Variants in HECW1 observed in about 807,000 individuals in gnomAD.
HECW1 encodes E3 ubiquitin-protein ligase HECW1.
HECW1 carries 61 observed loss-of-function variants against 182.3 expected under a neutral mutation model. That is an observed-to-expected ratio of 0.33 (90% confidence interval 0.27 to 0.41). HECW1 has a LOEUF of 0.41. Ranked by LOEUF, HECW1 falls within the 10% of genes least tolerant of loss-of-function variation. HECW1 has a pLI of 1.00. For synonymous variants in HECW1, 859 were observed against 832.6 expected (o/e 1.03, Z -0.55); for missense variants, 1,739 against 2,108.9 (o/e 0.82, Z 3.44).
At chr7:43,123,367 G>T (rs954057498) in intron 2 of HECW1, among the ~76,000 whole-genome samples, 1 of 152,168 alleles carries the variant, frequency 6.6e-6, no homozygotes, top group African/African-American at 2.4e-5. Flanking sequence ...GAGTGTACCT[G>T]CCGTTGACCT....
chr7:43,238,933 T>C (rs956170580), intron 2 of HECW1: 1 of 152,114 alleles, frequency 6.6e-6, no homozygotes, highest in Admixed American at 6.5e-5. Flanking sequence ...ATGAATTCAG[T>C]GACAATAACA....
chr7:43,518,055 A>G (rs1463291935), intron 24 of HECW1, among the ~76,000 whole-genome samples: 1 of 152,228 alleles, frequency 6.6e-6, no homozygotes, highest in Non-Finnish European at 1.5e-5. Flanking sequence ...GAAAAAAAGG[A>G]ATGAAATTTC....
At chr7:43,554,519 A>T in intron 28 of HECW1, 73 bp from the exon 29 acceptor site, 1 of 1,302,022 alleles carries the variant, frequency 7.7e-7, no homozygotes, top group Non-Finnish European at 1.1e-6. Flanking sequence ...GATGTGTTTG[A>T]TCTCTCTCTC....
chr7:43,233,995 C>G (rs753244691), intron 2 of HECW1, among the ~76,000 whole-genome samples: 4 of 152,236 alleles, frequency 2.6e-5, no homozygotes, highest in Non-Finnish European at 5.9e-5. Context: ...AGCTTCATCG[C>G]AGGTAGCGAG....
chr7:43,341,571 A>G, intron 5 of HECW1, among the ~76,000 whole-genome samples: 1 of 151,866 alleles, frequency 6.6e-6, no homozygotes, highest in Non-Finnish European at 1.5e-5. Context: ...GAATTTAGCT[A>G]TTAGAGAAGC....
At chr7:43,336,410 C>T (rs1282934261) in intron 5 of HECW1, among the ~76,000 whole-genome samples, 2 of 151,994 alleles carry the variant, frequency 1.3e-5, no homozygotes, top group Non-Finnish European at 2.9e-5. Context: ...CTCTAGTGGT[C>T]CTTCACCTCA....
At chr7:43,192,650 A>G (rs1794037204) in intron 2 of HECW1, among the ~76,000 whole-genome samples, 2 of 152,344 alleles carry the variant, frequency 1.3e-5, no homozygotes, top group South Asian at 4.1e-4. Context: ...AGAAAAGTAT[A>G]AAGAAAAAAA....
At chr7:43,490,368 AC>A (rs2078883445) in intron 17 of HECW1, among the ~76,000 whole-genome samples, 1 of 152,164 alleles carries the variant, frequency 6.6e-6, no homozygotes, top group Admixed American at 6.5e-5. Flanking sequence ...AGTGAGGACC[AC>A]CCCATTCTCA....
At chr7:43,125,102 C>T (rs867817838) in intron 2 of HECW1, among the ~76,000 whole-genome samples, 3 of 152,152 alleles carry the variant, frequency 2.0e-5, no homozygotes, top group African/African-American at 7.2e-5. Context: ...CTTGCACCCT[C>T]GCTTGGTGGA....
chr7:43,489,400 A>T (rs547201969), intron 17 of HECW1, among the ~76,000 whole-genome samples: 9 of 152,348 alleles, frequency 5.9e-5, no homozygotes, highest in African/African-American at 2.2e-4. Context: ...AAAGAGAAGT[A>T]TGAGGATTCA....
intron 21 of HECW1, among the ~76,000 whole-genome samples, chr7:43,505,828 T>C (rs750780230): frequency 2.0e-5 from 3 of 152,234 alleles, no homozygotes; most frequent in Non-Finnish European, 4.4e-5. Context: ...ACTGGTTTTC[T>C]TTCCTTCATG....
intron 3 of HECW1, among the ~76,000 whole-genome samples, chr7:43,268,485 C>A (rs1164940292): frequency 6.6e-6 from 1 of 152,226 alleles, no homozygotes; most frequent in African/African-American, 2.4e-5. Context: ...GTTTCATTGT[C>A]ATGACTTGGA....
chr7:43,144,265 C>T (rs1267844968), intron 2 of HECW1, among the ~76,000 whole-genome samples: 2 of 152,256 alleles, frequency 1.3e-5, no homozygotes, highest in East Asian at 1.9e-4. Flanking sequence ...ATTATATTAA[C>T]GGTATACAAT....
intron 2 of HECW1, among the ~76,000 whole-genome samples, chr7:43,130,783 G>A (rs1330305303): frequency 6.6e-6 from 1 of 152,196 alleles, no homozygotes; most frequent in African/African-American, 2.4e-5. Context: ...TTTTCCACTT[G>A]TGGCATTATG....
At position 43,363,073 on chromosome 7, in the gene HECW1, TG is replaced by T. The variant is rs559851858; in HGVS notation, c.555+2095del. The stretch of plus-strand genomic sequence containing the variant: ...TTTGTCGTCTCTGAACTCAGCCTGC[TG>T]GAGACTCCAGATGTTCACCTGCTGC... On this transcript the variant is annotated intron_variant, in intron 6 of 29. Coordinates refer to ENST00000395891, the MANE Select transcript of HECW1 (RefSeq NM_015052.5). Among the ~76,000 whole-genome samples, 207 of 152,370 alleles carry T rather than the reference TG, an allele frequency of 1.4e-3. 3 individuals are homozygous for T. The South Asian group carries it at 0.026, about 19-fold the overall frequency.
chr7:43,422,478 T>C (rs2076217107), intron 8 of HECW1, among the ~76,000 whole-genome samples: 1 of 150,322 alleles, frequency 6.7e-6, no homozygotes, highest in African/African-American at 2.4e-5. Flanking sequence ...TTCTCCTACC[T>C]CAGCCTCCCG....
chr7:43,457,807 CA>C lies in HECW1; in HGVS notation c.2651+1367del, dbSNP rs201075510. Among the ~76,000 whole-genome samples the C allele has an allele frequency of 5.3e-3, 801 of 150,452 alleles. 7 individuals are homozygous for C. Among genetic ancestry groups the C allele is most frequent in the African/African-American group, 0.018 (744 of 40,982 alleles). ...AAAAAACAAACAAAAAACATGGAAACAAAAAAATAAAAATGAACTTCTGTTT... is the reference window on the plus strand; with the variant it reads ...AAAAAACAAACAAAAAACATGGAAACAAAAAATAAAAATGAACTTCTGTTT... On this transcript the variant is annotated intron_variant, in intron 13 of 29. Coordinates refer to ENST00000395891, the MANE Select transcript of HECW1 (RefSeq NM_015052.5).
intron 2 of HECW1, among the ~76,000 whole-genome samples, chr7:43,190,152 C>T (rs991823553): frequency 1.3e-5 from 2 of 152,184 alleles, no homozygotes; most frequent in African/African-American, 4.8e-5. Flanking sequence ...CATGCTCTGT[C>T]GCCCAGGCTG....
At chr7:43,331,134 A>C (rs1281938545) in intron 5 of HECW1, among the ~76,000 whole-genome samples, 74 of 133,268 alleles carry the variant, frequency 5.6e-4, no homozygotes, top group African/African-American at 8.3e-4. Flanking sequence ...ATCCCTCCCC[A>C]CTCCCCCCAC....
Sources: allele counts gnomAD v4.1 joint callset (sites outside exome capture counted in the v4.1 genomes callset), GRCh38; gene constraint gnomAD v4.1.1; transcripts MANE v1.5; gene names NCBI Gene and HGNC (gene_info 2026-07-23, HGNC 2026-07-21).